PPM1F: variants seen among roughly 807,000 people sequenced by gnomAD.
The protein encoded by PPM1F is protein phosphatase 1F.
Under a neutral mutation model 35.5 loss-of-function variants are expected in PPM1F, and 17 were observed. That is an observed-to-expected ratio of 0.48 (90% CI 0.33 to 0.72). The LOEUF is 0.72. Ranked by LOEUF, PPM1F falls within the 30% of genes least tolerant of loss-of-function variation. PPM1F has a pLI of 0.02. For missense variants in PPM1F, 521 were observed against 613.0 expected (o/e 0.85, Z 1.59); for synonymous variants, 241 against 255.5 (o/e 0.94, Z 0.54).
At chr22:21,927,794 G>T (rs1041597718) in intron 6 of PPM1F, among the ~76,000 whole-genome samples, 1 of 152,084 alleles carries the variant, frequency 6.6e-6, no homozygotes, top group African/African-American at 2.4e-5. Flanking sequence ...CTGAACCTGG[G>T]TCCTCCTCCC....
chr22:21,929,175 C>G, intron 6 of PPM1F, among the ~76,000 whole-genome samples: 1 of 152,094 alleles, frequency 6.6e-6, no homozygotes. Context: ...TGGCCTGGAT[C>G]TGTGATTAAT....
At chr22:21,927,496 G>A (rs1482001598) in intron 6 of PPM1F, among the ~76,000 whole-genome samples, 1 of 152,204 alleles carries the variant, frequency 6.6e-6, no homozygotes, top group East Asian at 1.9e-4. Context: ...ATGTCCCAGA[G>A]GCAGGAATGT....
In PPM1F at chr22:21,923,333, A is replaced by T; in HGVS notation, c.1124T>A (p.Val375Asp). The change falls in exon 8 of 8, where the codon GTC becomes GAC. Residue 375 changes from valine (V) to aspartate (D), a missense_variant. This residue lies in a region of PPM1F where 163 missense variants were observed against 169.6 expected (regional missense o/e 0.96). Coordinates refer to ENST00000263212, the MANE Select transcript of PPM1F (RefSeq NM_014634.4). Reference protein sequence around the residue: ...VVPHQEVVGLVQSHLTRQQGS... With the variant: ...VVPHQEVVGLDQSHLTRQQGS... Reference sequence around the variant, plus strand: ...CTGCTGCCTGGTCAGGTGGCTCTGGACCAGGCCAACAACTTCCTGGTGGGG... The same window carrying T: ...CTGCTGCCTGGTCAGGTGGCTCTGGTCCAGGCCAACAACTTCCTGGTGGGG... The T allele has an allele frequency of 6.2e-7, 1 of 1,613,662 alleles. No individual in the cohort carries two copies.
chr22:21,925,550 C>CG lies in PPM1F; in HGVS notation c.985+18dup. The CG allele has an allele frequency of 6.2e-7, 1 of 1,610,904 alleles. No homozygotes were observed. The highest frequency in any genetic ancestry group is 8.5e-7 in the Non-Finnish European group (1 of 1,177,314). ...CCGAGAGACCTTCTCCCACTTGGGT[C>CG]GGCCTCTTTGGCTCTCACCGATGGC... is the stretch of plus-strand genomic sequence containing the variant. On this transcript the variant is annotated intron_variant, in intron 7 of 7. Coordinates refer to ENST00000263212, the MANE Select transcript of PPM1F (RefSeq NM_014634.4).
chr22:21,934,106 A>G lies in PPM1F; in HGVS notation c.476T>C (p.Ile159Thr), dbSNP rs2070629530. The G allele has an allele frequency of 5.8e-6, 9 of 1,563,888 alleles. No homozygotes were observed. The highest frequency in any genetic ancestry group is 7.8e-6 in the Non-Finnish European group (9 of 1,154,440). Residue 159 changes from isoleucine to threonine, a missense_variant, in exon 4 of 8, where the codon ATC (isoleucine) becomes ACC (threonine). Coordinates refer to ENST00000263212, the MANE Select transcript of PPM1F (RefSeq NM_014634.4). ...GCGGCGAGTGTTCCGGATGGCGTGG[A>G]TGGAGACCAGCCACTGCCGCTGTGA... ...RASQRQWLVSIHAIRNTRRKM... is the reference protein window; with the variant it reads ...RASQRQWLVSTHAIRNTRRKM...
intron 7 of PPM1F, among the ~76,000 whole-genome samples, chr22:21,923,825 G>A (rs1377904700): frequency 6.0e-5 from 9 of 151,254 alleles, no homozygotes; most frequent in African/African-American, 1.5e-4. Context: ...TTACAGGCTC[G>A]CGCCACCATG....
chr22:21,939,732 C>T lies in PPM1F; in HGVS notation c.207-52G>A. On this transcript the variant is annotated intron_variant, in intron 2 of 7. Transcript: ENST00000263212. This position sits in a 1 kb window ranked among gnomAD's most constrained non-coding sequence, Gnocchi z 5.1. ...GGCAGCCCCCAGCAGGAGACCACAC[C>T]TAGCCCCCCTTCCCCAACTGTCAGC... 6.5e-7 allele frequency: 1 copy of T among 1,544,310 alleles called. No individual in the cohort carries two copies.
intron 1 of PPM1F, chr22:21,947,829 C>T (rs1057423638): frequency 1.3e-5 from 2 of 152,134 alleles, no homozygotes; most frequent in Non-Finnish European, 2.9e-5. Context: ...GAATTGCTAA[C>T]TTGGAACAAG....
rs958609844 is a variant in PPM1F at position 21,927,954 on chromosome 22, T to G, written c.892-2292A>C. On this transcript the variant is annotated intron_variant, in intron 6 of 7. Transcript: ENST00000263212. ...TGTTTTTTGTTTTGTTTTTTTTTTT[T>G]TTTTTTTTTTTTTTTTGGAGACAGG... Among the ~76,000 whole-genome samples the G allele has an allele frequency of 4.7e-4, 67 of 142,024 alleles. 1 individual carries two copies. Among genetic ancestry groups the G allele is most frequent in the Middle Eastern group, 3.5e-3 (1 of 282 alleles). 93.2% of individuals were successfully genotyped at this position (142,024 alleles called of 152,430 possible).
Position 21,927,942 on chromosome 22 carries a change from G to GTTTTTT in PPM1F, c.892-2286_892-2281dup, listed in dbSNP as rs60216371. ...GATTCTTGATTCTGTTTTTTGTTTT[G>GTTTTTT]TTTTTTTTTTTTTTTTTTTTTTTTT... On this transcript the variant is annotated intron_variant, in intron 6 of 7. Coordinates refer to ENST00000263212, the MANE Select transcript of PPM1F (RefSeq NM_014634.4). Among the ~76,000 whole-genome samples, 87 of 75,144 alleles carry GTTTTTT rather than the reference G, an allele frequency of 1.2e-3. 2 individuals are homozygous for GTTTTTT. The highest frequency in any genetic ancestry group is 2.9e-3 in the African/African-American group (53 of 18,156). 49.3% of individuals were successfully genotyped at this position (75,144 alleles called of 152,430 possible).
In PPM1F at chr22:21,930,375, G is replaced by A. The variant is rs1003024622; in HGVS notation, c.891+773C>T. Among the ~76,000 whole-genome samples, 12 of 152,360 alleles carry A rather than the reference G, an allele frequency of 7.9e-5. 1 individual carries two copies. The South Asian group carries it at 2.5e-3, about 32-fold the overall frequency. Reference sequence around the variant, plus strand: ...GTGTCCTACAGATATAGGTACACTTGACTCTGAGCAATTAATGCTGCACAA... The same window carrying A: ...GTGTCCTACAGATATAGGTACACTTAACTCTGAGCAATTAATGCTGCACAA... On this transcript the variant is annotated intron_variant, in intron 6 of 7. Coordinates refer to ENST00000263212, the MANE Select transcript of PPM1F (RefSeq NM_014634.4).
intron 2 of PPM1F, chr22:21,943,639 C>T (rs1349973430): frequency 6.6e-6 from 1 of 152,486 alleles, no homozygotes; most frequent in Non-Finnish European, 1.5e-5. Context: ...TCGGGGCCCT[C>T]CTGGGCAGGT....
chr22:21,936,755 G>C (rs549334620), intron 3 of PPM1F: 1 of 152,382 alleles, frequency 6.6e-6, no homozygotes, highest in South Asian at 2.1e-4. Flanking sequence ...CGTGGAAGCA[G>C]GCCCTCCAGC....
Position 21,945,904 on chromosome 22 carries a change from G to A in PPM1F, c.145C>T (p.Leu49Phe), listed in dbSNP as rs1167894723. Residue 49 changes from leucine to phenylalanine, a missense_variant, in exon 2 of 8, where the codon CTC becomes TTC. Physicochemically the swap from Leu to Phe is conservative, Grantham distance 22 (BLOSUM62 0). Coordinates refer to ENST00000263212, the MANE Select transcript of PPM1F (RefSeq NM_014634.4). ...PLPWKAPGTV[L>F]SQEEVEGELA... ...TCGCCCTCCACCTCCTCCTGGCTGA[G>A]CACCGTCCCTGGGGCCTTCCATGGC... The A allele has an allele frequency of 5.6e-6, 9 of 1,612,976 alleles. No individual in the cohort carries two copies. Among genetic ancestry groups the A allele is most frequent in the South Asian group, 4.4e-5 (4 of 90,958 alleles).
intron 2 of PPM1F, chr22:21,942,277 T>C: frequency 6.5e-6 from 1 of 152,768 alleles, no homozygotes; most frequent in Non-Finnish European, 1.5e-5. Context: ...GATTTTTTTT[T>C]TTTTTTTTCT....
intron 1 of PPM1F, chr22:21,951,773 C>T (rs1303148727): frequency 6.6e-6 from 1 of 152,208 alleles, no homozygotes; most frequent in African/African-American, 2.4e-5. Context: ...GGCTACACTG[C>T]AGATGAAGAA....
At chr22:21,934,380 C>T in intron 3 of PPM1F, 154 bp from the exon 4 acceptor site, 2 of 618,822 alleles carry the variant, frequency 3.2e-6, no homozygotes, top group Non-Finnish European at 2.8e-6. Context: ...CACATGGCAG[C>T]CTGTTACCAG....
Position 21,923,262 on chromosome 22 carries a change from C to G in PPM1F, c.1195G>C (p.Glu399Gln), listed in dbSNP as rs746689848. 1.2e-6 allele frequency: 2 copies of G among 1,613,462 alleles called. No individual in the cohort carries two copies. The highest frequency in any genetic ancestry group is 1.1e-5 in the South Asian group (1 of 91,088). Residue 399 changes from glutamate (E) to glutamine (Q), a missense_variant, in exon 8 of 8, where the codon GAG becomes CAG. Physicochemically the swap from Glu to Gln is conservative, Grantham distance 29. Transcript: ENST00000263212. Reference protein sequence around the residue: ...VAEELVAAARERGSHDNITVM... With the variant: ...VAEELVAAARQRGSHDNITVM... ...GTGATGTTGTCGTGGGAGCCCCGCT[C>G]CCGGGCCGCAGCCACCAGCTCCTCG...
rs538201251 is a variant in PPM1F at position 21,922,954 on chromosome 22, G to A, written c.*138C>T. 8 of 1,187,640 alleles carry A rather than the reference G, an allele frequency of 6.7e-6. No homozygotes were observed. The African/African-American group carries it at 7.6e-5, about 11-fold the overall frequency. The allele number at this position is 1,187,640 out of a possible 1,614,324, so 73.6% of individuals were successfully genotyped here. A position where few individuals can be genotyped will look rare whatever the true frequency, so the allele number is the denominator to read the frequency against. ...CAGGACGGGCTGCGGGGGGTGTCCCGACTGGCTCTGGGGTGCTGGGGAAAG... is the reference window on the plus strand; with the variant it reads ...CAGGACGGGCTGCGGGGGGTGTCCCAACTGGCTCTGGGGTGCTGGGGAAAG... On this transcript the variant is annotated 3_prime_UTR_variant, in exon 8 of 8. Coordinates refer to ENST00000263212, the MANE Select transcript of PPM1F (RefSeq NM_014634.4).
Sources: gnomAD v4.1 joint callset for allele counts (sites outside exome capture counted in the v4.1 genomes callset) on GRCh38, gnomAD v4.1.1 for gene constraint, gnomAD v4.1.1 regional missense constraint, Gnocchi (gnomAD v3.1) non-coding constraint, MANE v1.5 for transcripts, NCBI Gene and HGNC (gene_info 2026-07-23, HGNC 2026-07-21) for gene names.